AK5: variants seen among roughly 807,000 people sequenced by gnomAD.
The protein encoded by AK5 is adenylate kinase 5.
In AK5, 27 loss-of-function variants were observed where a neutral mutation model predicts 69.5. The ratio of observed to expected loss-of-function variants is 0.39; its 90% CI spans 0.29 to 0.54. AK5 has a LOEUF of 0.54. Among genes scored for constraint, AK5 ranks in the 20% least tolerant of loss-of-function variants. The pLI, the probability that AK5 is intolerant of heterozygous loss-of-function variation, is 0.71. For missense variants in AK5, 531 were observed against 700.4 expected, an observed-to-expected ratio of 0.76 and a Z score of 2.73; for synonymous variants, 260 against 244.4, an observed-to-expected ratio of 1.06 and a Z score of -0.60.
chr1:77,407,275 T>G (rs1649720186), intron 6 of AK5, among the ~76,000 whole-genome samples: 1 of 152,084 alleles, frequency 6.6e-6, no homozygotes, highest in African/African-American at 2.4e-5. Flanking sequence ...ATGACAGATA[T>G]CCAGGATGGG....
chr1:77,391,018 T>G, intron 6 of AK5, among the ~76,000 whole-genome samples: 1 of 152,156 alleles, frequency 6.6e-6, no homozygotes, highest in Non-Finnish European at 1.5e-5. Context: ...ACGGACAAAC[T>G]TTGTCTTGGG....
At position 77,558,637 on chromosome 1, in the gene AK5, T is replaced by C. The variant is rs1660259037; in HGVS notation, c.1656T>C (p.Leu552=). The change falls in exon 14 of 14, where the codon CTT becomes CTC. Residue 552 remains leucine, a synonymous_variant. Transcript: ENST00000354567. ...AGGGAACACCAGAGGACGTTTTTCT[T>C]CAACTCTGCACAGCTATTGACTCTA... ...NAEGTPEDVF[L]QLCTAIDSIF 6.3e-7 allele frequency: 1 copy of C among 1,595,376 alleles called. No individual in the cohort carries two copies. The highest frequency in any genetic ancestry group is 8.6e-7 in the Non-Finnish European group (1 of 1,167,968).
At chr1:77,349,183 T>C (rs1171593813) in intron 6 of AK5, among the ~76,000 whole-genome samples, 1 of 152,204 alleles carries the variant, frequency 6.6e-6, no homozygotes, top group African/African-American at 2.4e-5. Flanking sequence ...ACGTGCCTAG[T>C]ACTATTCGGA....
chr1:77,430,405 A>G (rs1651560768), intron 8 of AK5, among the ~76,000 whole-genome samples: 1 of 152,196 alleles, frequency 6.6e-6, no homozygotes, highest in South Asian at 2.1e-4. Context: ...CGAGTTCTGT[A>G]AAGATAGGGC....
intron 8 of AK5, among the ~76,000 whole-genome samples, chr1:77,470,427 C>T (rs1329667261): frequency 2.0e-5 from 3 of 152,080 alleles, no homozygotes; most frequent in Non-Finnish European, 1.5e-5. Context: ...ATCACTTGAG[C>T]CTGGGAGGCG....
At chr1:77,351,927 C>CTTTTTTT (rs10658959) in intron 6 of AK5, among the ~76,000 whole-genome samples, 13 of 138,170 alleles carry the variant, frequency 9.4e-5, no homozygotes, top group Non-Finnish European at 7.6e-5. Flanking sequence ...GCAAGTAATT[C>CTTTTTTT]TTTTTTTTTT....
chr1:77,382,186 C>T (rs2100504830), intron 6 of AK5, among the ~76,000 whole-genome samples: 1 of 151,724 alleles, frequency 6.6e-6, no homozygotes, highest in South Asian at 2.1e-4. Context: ...GAACCCAGAT[C>T]CTTTTACACT....
At chr1:77,322,994 T>C (rs561878239) in intron 5 of AK5, among the ~76,000 whole-genome samples, 1 of 152,196 alleles carries the variant, frequency 6.6e-6, no homozygotes, top group Admixed American at 6.5e-5. Context: ...CTTTTCTTTT[T>C]TTTTTTCTTT....
intron 5 of AK5, among the ~76,000 whole-genome samples, chr1:77,335,941 T>G (rs1661334152): frequency 6.6e-6 from 1 of 152,164 alleles, no homozygotes; most frequent in African/African-American, 2.4e-5. Flanking sequence ...CTCTGTGCAC[T>G]CACATGGTGA....
At chr1:77,359,908 G>A (rs1054980805) in intron 6 of AK5, among the ~76,000 whole-genome samples, 1 of 152,120 alleles carries the variant, frequency 6.6e-6, no homozygotes, top group Non-Finnish European at 1.5e-5. Flanking sequence ...TGTCAGAGCC[G>A]GGAATTGAAT....
chr1:77,509,187 C>T (rs1657191899), intron 10 of AK5, among the ~76,000 whole-genome samples: 1 of 152,172 alleles, frequency 6.6e-6, no homozygotes, highest in South Asian at 2.1e-4. Flanking sequence ...ATACTATACA[C>T]GGGCACTGAT....
At chr1:77,500,833 CGTT>C (rs1223244036) in intron 10 of AK5, among the ~76,000 whole-genome samples, 2 of 151,744 alleles carry the variant, frequency 1.3e-5, no homozygotes, top group Non-Finnish European at 2.9e-5. Context: ...AATTATCCAT[CGTT>C]GTGATAAGTA....
At position 77,519,501 on chromosome 1, in the gene AK5, G is replaced by A. The variant is rs563670868; in HGVS notation, c.1311+774G>A. On this transcript the variant is annotated intron_variant, in intron 11 of 13. Transcript: ENST00000354567. ...GGGTCCCAATCCAGACCCCAAGAGA[G>A]GGTTCTTGGATCTTGTGCAAGAAAG... Among the ~76,000 whole-genome samples, 68 of 152,292 alleles carry A rather than the reference G, an allele frequency of 4.5e-4. 3 individuals carry two copies. In the South Asian group the frequency reaches 0.013, roughly 30 times the overall value.
chr1:77,319,910 A>G (rs192413005), intron 5 of AK5, among the ~76,000 whole-genome samples: 1 of 152,220 alleles, frequency 6.6e-6, no homozygotes, highest in Non-Finnish European at 1.5e-5. Context: ...AGAGATGCTG[A>G]ATTTCTAAAA....
intron 8 of AK5, among the ~76,000 whole-genome samples, chr1:77,423,239 A>G (rs866223349): frequency 4.7e-5 from 7 of 148,368 alleles, no homozygotes; most frequent in Non-Finnish European, 7.5e-5. Flanking sequence ...AATAAAAAAA[A>G]AAGAAGAACT....
chr1:77,403,505 T>G (rs1028092276), intron 6 of AK5, among the ~76,000 whole-genome samples: 2 of 152,338 alleles, frequency 1.3e-5, no homozygotes, highest in East Asian at 1.9e-4. Flanking sequence ...AGTTTCAGCT[T>G]TCTACATATG....
intron 6 of AK5, among the ~76,000 whole-genome samples, chr1:77,346,718 G>A (rs533938885): frequency 2.6e-5 from 4 of 152,048 alleles, no homozygotes; most frequent in Non-Finnish European, 4.4e-5. Context: ...GGCTGGTCTC[G>A]GACTCCTGAG....
intron 6 of AK5, among the ~76,000 whole-genome samples, chr1:77,399,038 A>T (rs1649021498): frequency 6.6e-6 from 1 of 152,172 alleles, no homozygotes; most frequent in East Asian, 1.9e-4. Flanking sequence ...GTATCATCTT[A>T]ATGAAATCTT....
At chr1:77,335,771 C>T (rs78769429) in intron 5 of AK5, among the ~76,000 whole-genome samples, 2,650 of 152,130 alleles carry the variant, frequency 0.017, 81 homozygotes, top group African/African-American at 0.061. Flanking sequence ...GTATTTTAAT[C>T]TTTTTTACTC....
Sources: gnomAD v4.1 joint callset for allele counts (sites outside exome capture counted in the v4.1 genomes callset) on GRCh38, gnomAD v4.1.1 for gene constraint, MANE v1.5 for transcripts, NCBI Gene and HGNC (gene_info 2026-07-23, HGNC 2026-07-21) for gene names.